The following CAB39L variants were observed in gnomAD, a reference collection of about 807,000 sequenced individuals.
CAB39L encodes calcium binding protein 39 like.
Under a neutral mutation model 39.1 loss-of-function variants are expected in CAB39L, and 23 were observed. The observed-to-expected ratio is 0.59, with a 90% confidence interval of 0.42 to 0.83. The LOEUF (loss-of-function observed/expected upper bound fraction) is 0.83, where lower values mean the gene tolerates loss of function less well. Ranked by LOEUF, CAB39L falls within the 40% of genes least tolerant of loss-of-function variation. The pLI is 0.00. For missense variants in CAB39L, 366 were observed against 391.9 expected, an observed-to-expected ratio of 0.93 and a Z score of 0.56; for synonymous variants, 126 against 137.2, an observed-to-expected ratio of 0.92 and a Z score of 0.57.
chr13:49,441,221 G>GTGTA lies in CAB39L; in HGVS notation c.-246+2764_-246+2765insTACA, dbSNP rs1024957572. Among the ~76,000 whole-genome samples, 9 of 121,430 alleles carry GTGTA rather than the reference G, an allele frequency of 7.4e-5. 1 individual carries two copies. Among genetic ancestry groups the GTGTA allele is most frequent in the African/African-American group, 3.3e-4 (9 of 27,218 alleles). The allele number at this position is 121,430 out of a possible 152,430, so 79.7% of individuals were successfully genotyped here. ...GATGATTTTCTTATAATGATTTAGT[G>GTGTA]TATATATATATATATATATATATTC... On this transcript the variant is annotated intron_variant, in intron 1 of 10. Coordinates refer to ENST00000409308, the MANE Select transcript of CAB39L (RefSeq NM_001079670.3).
chr13:49,423,505 G>A (rs1957202509), intron 3 of CAB39L, among the ~76,000 whole-genome samples: 1 of 152,034 alleles, frequency 6.6e-6, no homozygotes, highest in African/African-American at 2.4e-5. Flanking sequence ...ATCACTTGAG[G>A]CCAGGAGTTC....
chr13:49,311,013 A>T lies in CAB39L; in HGVS notation c.835-20T>A. On this transcript the variant is annotated intron_variant, in intron 10 of 10. Transcript: ENST00000409308. ...AAACACCTGAAACAAAAAGAAACAA[A>T]TACTTAGGAGTGCAAGCCAGGGACC... The T allele has an allele frequency of 6.2e-7, 1 of 1,610,430 alleles. No homozygotes were observed. Among genetic ancestry groups the T allele is most frequent in the Non-Finnish European group, 8.5e-7 (1 of 1,177,658 alleles).
At chr13:49,352,249 C>A (rs561630074) in intron 6 of CAB39L, among the ~76,000 whole-genome samples, 4 of 151,790 alleles carry the variant, frequency 2.6e-5, no homozygotes, top group African/African-American at 9.7e-5. Flanking sequence ...AACAATCTCT[C>A]AAAGTCAAAT....
At chr13:49,413,045 G>GGATAGA in intron 3 of CAB39L, 1 of 152,116 alleles carries the variant, frequency 6.6e-6, no homozygotes. Flanking sequence ...GGTTCTCTAA[G>GGATAGA]GAATTCAAAA....
chr13:49,413,921 T>G (rs774051755), intron 3 of CAB39L: 6 of 152,156 alleles, frequency 3.9e-5, no homozygotes, highest in African/African-American at 1.4e-4. Context: ...ATTTAAACTC[T>G]ATCTCTTCTA....
At chr13:49,441,293 G>A (rs189237371) in intron 1 of CAB39L, among the ~76,000 whole-genome samples, 2 of 144,774 alleles carry the variant, frequency 1.4e-5, no homozygotes, top group East Asian at 4.1e-4. Context: ...GGAGGTTCCC[G>A]GCTAGGTACA....
intron 3 of CAB39L, among the ~76,000 whole-genome samples, chr13:49,426,918 TA>T (rs1299675223): frequency 6.6e-6 from 1 of 152,206 alleles, no homozygotes; most frequent in African/African-American, 2.4e-5. Context: ...GGAAAATTAT[TA>T]TTTCTCCCTT....
chr13:49,416,490 G>A (rs185567405), intron 3 of CAB39L, among the ~76,000 whole-genome samples: 105 of 152,290 alleles, frequency 6.9e-4, no homozygotes, highest in African/African-American at 2.1e-3. Flanking sequence ...CTGATTTTAT[G>A]ACCTACTAGT....
At chr13:49,421,925 A>G (rs74074078) in intron 3 of CAB39L, among the ~76,000 whole-genome samples, 417 of 152,238 alleles carry the variant, frequency 2.7e-3, no homozygotes, top group African/African-American at 9.2e-3. Flanking sequence ...AAAAATAATA[A>G]TAATACACAA....
At chr13:49,331,723 C>T (rs141760882) in intron 10 of CAB39L, among the ~76,000 whole-genome samples, 534 of 151,894 alleles carry the variant, frequency 3.5e-3, no homozygotes, top group African/African-American at 0.012. Flanking sequence ...GCATTTTCTC[C>T]GTGAAAAAAT....
intron 6 of CAB39L, among the ~76,000 whole-genome samples, chr13:49,351,498 G>A (rs1955355480): frequency 2.0e-5 from 3 of 152,270 alleles, no homozygotes; most frequent in South Asian, 2.1e-4. Context: ...GAAGGGCAGG[G>A]GCCAGATCCC....
chr13:49,438,474 CG>C (rs1221856548), intron 1 of CAB39L, among the ~76,000 whole-genome samples: 1 of 152,072 alleles, frequency 6.6e-6, no homozygotes, highest in Non-Finnish European at 1.5e-5. Context: ...CTCTAGTATA[CG>C]CTTCAGAAGG....
At chr13:49,344,830 T>C (rs1955102503) in intron 7 of CAB39L, among the ~76,000 whole-genome samples, 1 of 152,174 alleles carries the variant, frequency 6.6e-6, no homozygotes, top group Non-Finnish European at 1.5e-5. Flanking sequence ...ACTGGAAGCG[T>C]AGGACTGACA....
chr13:49,436,805 CTTTT>C (rs1957425956), intron 1 of CAB39L, among the ~76,000 whole-genome samples: 1 of 152,048 alleles, frequency 6.6e-6, no homozygotes, highest in Non-Finnish European at 1.5e-5. Context: ...GGATTTGAGA[CTTTT>C]TATCTCTACA....
At chr13:49,398,353 ATT>A (rs1014477235) in intron 3 of CAB39L, among the ~76,000 whole-genome samples, 33 of 152,074 alleles carry the variant, frequency 2.2e-4, no homozygotes, top group Non-Finnish European at 4.6e-4. Flanking sequence ...GTTTTAATAG[ATT>A]TTTCTTTGTT....
At chr13:49,391,084 G>T (rs910028649) in intron 3 of CAB39L, among the ~76,000 whole-genome samples, 5 of 152,148 alleles carry the variant, frequency 3.3e-5, no homozygotes, top group South Asian at 4.1e-4. Context: ...GAACTCTAAA[G>T]CGAAATCCCA....
chr13:49,418,032 G>A (rs1957113042), intron 3 of CAB39L, among the ~76,000 whole-genome samples: 2 of 151,910 alleles, frequency 1.3e-5, no homozygotes, highest in African/African-American at 4.8e-5. Flanking sequence ...GTATGACCCA[G>A]CAATCCCACT....
At chr13:49,376,362 A>G (rs1352977330) in intron 5 of CAB39L, among the ~76,000 whole-genome samples, 1 of 152,232 alleles carries the variant, frequency 6.6e-6, no homozygotes, top group Non-Finnish European at 1.5e-5. Context: ...TACACAATAG[A>G]TAATAAAATG....
chr13:49,327,661 T>C (rs867202238), intron 10 of CAB39L, among the ~76,000 whole-genome samples: 2 of 152,238 alleles, frequency 1.3e-5, no homozygotes, highest in South Asian at 4.1e-4. Flanking sequence ...TAGTGTTCTT[T>C]TGCATGTTTT....
Sources: gnomAD v4.1 joint callset for allele counts (sites outside exome capture counted in the v4.1 genomes callset) on GRCh38, gnomAD v4.1.1 for gene constraint, MANE v1.5 for transcripts, NCBI Gene and HGNC (gene_info 2026-07-23, HGNC 2026-07-21) for gene names.